The following OR2L13 variants were observed in gnomAD, a reference collection of about 807,000 sequenced individuals.
The protein encoded by OR2L13 is olfactory receptor 2L13.
In OR2L13, 14 loss-of-function variants were observed where a neutral mutation model predicts 15.3. That is an observed-to-expected ratio of 0.91 (90% CI 0.60 to 1.43). The LOEUF (loss-of-function observed/expected upper bound fraction) is 1.43. Ranked by LOEUF, OR2L13 falls within the 40% of genes most tolerant of loss-of-function variation. The pLI, the probability that OR2L13 is intolerant of heterozygous loss-of-function variation, is 0.00. For missense variants in OR2L13, 367 were observed against 387.9 expected (o/e 0.95, Z 0.45); for synonymous variants, 152 against 142.9 (o/e 1.06, Z -0.45).
the OR2L13 span, among the ~76,000 whole-genome samples, chr1:248,085,918 C>A: frequency 1.5e-3 from 225 of 152,170 alleles, no homozygotes; most frequent in Non-Finnish European, 9.0e-4. Flanking sequence ...GCTGATCTGA[C>A]GGAGGCAGAA....
upstream of OR2L13, among the ~76,000 whole-genome samples, chr1:248,091,624 CT>C (rs1396919075): frequency 1.3e-5 from 2 of 152,016 alleles, no homozygotes; most frequent in African/African-American, 4.8e-5. Flanking sequence ...GCTCTCCATT[CT>C]GTTCCGTTGG....
chr1:248,001,803 C>T, the OR2L13 span, among the ~76,000 whole-genome samples: 1 of 152,010 alleles, frequency 6.6e-6, no homozygotes, highest in Non-Finnish European at 1.5e-5. Flanking sequence ...TAAAACACAG[C>T]ATTAAATATC....
chr1:248,049,121 TC>T, the OR2L13 span, among the ~76,000 whole-genome samples: 2 of 152,178 alleles, frequency 1.3e-5, no homozygotes, highest in Non-Finnish European at 2.9e-5. Context: ...AAGACGACCA[TC>T]CTCCTTGGTT....
the OR2L13 span, among the ~76,000 whole-genome samples, chr1:248,056,672 CTT>C: frequency 3.7e-5 from 5 of 135,062 alleles, no homozygotes; most frequent in Admixed American, 7.5e-5. Flanking sequence ...TTTGAGGGGG[CTT>C]TTTTTTTTTT....
the OR2L13 span, among the ~76,000 whole-genome samples, chr1:248,068,844 C>T: frequency 1.3e-4 from 20 of 151,622 alleles, no homozygotes; most frequent in Non-Finnish European, 2.4e-4. Flanking sequence ...CCTCAGGAGC[C>T]GATGCAATCA....
At chr1:247,969,629 A>T in the OR2L13 span, among the ~76,000 whole-genome samples, 1 of 152,218 alleles carries the variant, frequency 6.6e-6, no homozygotes, top group Non-Finnish European at 1.5e-5. Context: ...ATATTAGCAA[A>T]ACAGGCCATT....
the OR2L13 span, among the ~76,000 whole-genome samples, chr1:247,969,318 T>G: frequency 6.6e-6 from 1 of 152,246 alleles, no homozygotes; most frequent in Non-Finnish European, 1.5e-5. Flanking sequence ...GATGGTAGTT[T>G]CTTTTGCTGT....
the OR2L13 span, among the ~76,000 whole-genome samples, chr1:247,957,338 G>A: frequency 5.9e-5 from 9 of 152,168 alleles, no homozygotes; most frequent in Admixed American, 2.0e-4. Flanking sequence ...TGCTGGATTC[G>A]GTTTGCCAGT....
chr1:248,038,390 T>C, the OR2L13 span: 1 of 1,613,548 alleles, frequency 6.2e-7, no homozygotes, highest in South Asian at 1.1e-5. Flanking sequence ...TAATTGGAAA[T>C]CTATCCATGA....
chr1:248,059,639 A>G, the OR2L13 span, among the ~76,000 whole-genome samples: 1 of 152,224 alleles, frequency 6.6e-6, no homozygotes, highest in Non-Finnish European at 1.5e-5. Flanking sequence ...AAATAAATGA[A>G]CCACAAAATG....
At chr1:248,038,923 G>T in the OR2L13 span, 4 of 1,613,928 alleles carry the variant, frequency 2.5e-6, no homozygotes, top group Non-Finnish European at 3.4e-6. Context: ...TCCTATGGCC[G>T]GGTTCTCCTT....
the OR2L13 span, chr1:247,965,323 C>T: frequency 1.3e-6 from 2 of 1,531,270 alleles, no homozygotes; most frequent in Non-Finnish European, 1.8e-6. Flanking sequence ...GGGAAGTCAA[C>T]ATTATTACAT....
the OR2L13 span, among the ~76,000 whole-genome samples, chr1:248,089,202 G>A: frequency 1.3e-5 from 2 of 152,100 alleles, no homozygotes; most frequent in African/African-American, 4.8e-5. Context: ...TGCTATTATA[G>A]TTTATTATAA....
the OR2L13 span, among the ~76,000 whole-genome samples, chr1:247,976,027 A>G: frequency 6.6e-6 from 1 of 152,194 alleles, no homozygotes; most frequent in African/African-American, 2.4e-5. Context: ...ACTGAATCTA[A>G]TTGAATATAA....
At chr1:247,975,894 C>A in the OR2L13 span, among the ~76,000 whole-genome samples, 3 of 151,876 alleles carry the variant, frequency 2.0e-5, no homozygotes, top group Non-Finnish European at 4.4e-5. Flanking sequence ...AAATTGTGGG[C>A]AGTAGGGTTT....
At chr1:248,006,206 G>C in the OR2L13 span, among the ~76,000 whole-genome samples, 1 of 151,548 alleles carries the variant, frequency 6.6e-6, no homozygotes, top group Non-Finnish European at 1.5e-5. Flanking sequence ...CCCAGCCACT[G>C]CTTGGGGTCC....
At chr1:248,099,306 G>A in intron 2 of OR2L13, 52 bp from the exon 3 acceptor site, 2 of 1,069,546 alleles carry the variant, frequency 1.9e-6, no homozygotes, top group Non-Finnish European at 1.4e-6. Context: ...TTTCTATTGT[G>A]TTTTATTTCA....
At chr1:248,089,032 C>T in the OR2L13 span, among the ~76,000 whole-genome samples, 1 of 152,048 alleles carries the variant, frequency 6.6e-6, no homozygotes, top group Non-Finnish European at 1.5e-5. Flanking sequence ...TGGAGTCAAT[C>T]CCACAAGACT....
chr1:248,077,198 G>C, the OR2L13 span, among the ~76,000 whole-genome samples: 217 of 152,302 alleles, frequency 1.4e-3, 1 homozygote, highest in African/African-American at 5.0e-3. Flanking sequence ...AAGCCCACTT[G>C]ATCATGGTGG....
Sources: allele counts gnomAD v4.1 joint callset (sites outside exome capture counted in the v4.1 genomes callset), GRCh38; gene constraint gnomAD v4.1.1; transcripts MANE v1.5; gene names NCBI Gene and HGNC (gene_info 2026-07-23, HGNC 2026-07-21).